The following MEIOSIN variants were observed in gnomAD, a reference collection of about 807,000 sequenced individuals.
MEIOSIN encodes meiosis initiator protein.
A neutral mutation model predicts 23.4 loss-of-function variants in MEIOSIN; 18 were observed. The observed-to-expected ratio is 0.77, with a 90% CI of 0.53 to 1.14. The LOEUF (loss-of-function observed/expected upper bound fraction) is 1.14. Ranked by LOEUF, MEIOSIN falls within the 50% of genes most tolerant of loss-of-function variation. The pLI is 0.00. For missense variants in MEIOSIN, 428 were observed against 242.9 expected, an observed-to-expected ratio of 1.76 and a Z score of -5.07; for synonymous variants, 187 against 100.6, an observed-to-expected ratio of 1.86 and a Z score of -5.14.
intron 3 of MEIOSIN, among the ~76,000 whole-genome samples, chr19:45,744,661 G>A (rs1190504882): frequency 6.6e-6 from 1 of 151,652 alleles, no homozygotes; most frequent in African/African-American, 2.4e-5. Context: ...AGGCTGGAGT[G>A]CAGTGATGCA....
chr19:45,760,193 C>T (rs1012233339), intron 11 of MEIOSIN, among the ~76,000 whole-genome samples: 10 of 151,830 alleles, frequency 6.6e-5, no homozygotes, highest in African/African-American at 2.2e-4. Context: ...CTAAGCTGGG[C>T]GCGGTGGCTC....
intron 4 of MEIOSIN, among the ~76,000 whole-genome samples, chr19:45,747,773 TAGAA>T (rs1968620882): frequency 1.3e-5 from 2 of 151,996 alleles, no homozygotes; most frequent in Non-Finnish European, 2.9e-5. Flanking sequence ...AGAGTTGAGA[TAGAA>T]AGAGAGACAG....
intron 1 of MEIOSIN, 112 bp from the exon 2 acceptor site, chr19:45,735,265 T>C: frequency 1.6e-6 from 1 of 629,790 alleles, no homozygotes; most frequent in Non-Finnish European, 2.9e-6. Context: ...TTTTGGGATC[T>C]CTGGGTGCTC....
chr19:45,754,447 C>A, intron 6 of MEIOSIN, 32 bp from the exon 7 acceptor site: 1 of 691,140 alleles, frequency 1.4e-6, no homozygotes, highest in Non-Finnish European at 2.6e-6. Flanking sequence ...GACTCCCAGG[C>A]CCCTCTGACA....
chr19:45,743,314 G>C (rs1041083490), intron 3 of MEIOSIN, among the ~76,000 whole-genome samples: 20 of 152,208 alleles, frequency 1.3e-4, no homozygotes, highest in African/African-American at 4.6e-4. Context: ...TTTCTTCCTT[G>C]CTTCCTGAGT....
At chr19:45,753,118 G>A (rs1968748577) in intron 5 of MEIOSIN, among the ~76,000 whole-genome samples, 1 of 152,028 alleles carries the variant, frequency 6.6e-6, no homozygotes, top group African/African-American at 2.4e-5. Context: ...TAGTGTTGAG[G>A]ACTGGTCATG....
rs1336518770 is a variant in MEIOSIN, at chr19:45,753,709, C to T, written c.477C>T (p.Ser159=). 1.1e-5 allele frequency: 8 copies of T among 703,004 alleles called. No homozygotes were observed. Among genetic ancestry groups the T allele is most frequent in the Non-Finnish European group, 2.1e-5 (8 of 384,980 alleles). The allele number at this position is 703,004 out of a possible 1,614,324, so 43.5% of individuals were successfully genotyped here. A position where few individuals can be genotyped will look rare whatever the true frequency, so the allele number is the denominator to read the frequency against. Reference sequence around the variant, plus strand: ...GGCGGAGGAGACACTCTACCCCCTCCAGCTCCCCAAGCTCTCAGAAGTCCT... The same window carrying T: ...GGCGGAGGAGACACTCTACCCCCTCTAGCTCCCCAAGCTCTCAGAAGTCCT... The part of the protein sequence containing the change: ...PARRRRHSTP[S]SSPSSQKSCL... Residue 159 remains serine, a synonymous_variant, in exon 6 of 15, where the codon TCC becomes TCT. Coordinates refer to ENST00000457052, the MANE Select transcript of MEIOSIN (RefSeq NM_001310124.2).
At chr19:45,746,380 C>T (rs923952743) in intron 4 of MEIOSIN, among the ~76,000 whole-genome samples, 26 of 152,106 alleles carry the variant, frequency 1.7e-4, no homozygotes, top group African/African-American at 5.6e-4. Context: ...ATTCCTTGAC[C>T]CATCATGGTC....
chr19:45,749,461 G>A (rs1968651703), intron 4 of MEIOSIN, among the ~76,000 whole-genome samples: 1 of 150,568 alleles, frequency 6.6e-6, no homozygotes, highest in Non-Finnish European at 1.5e-5. Flanking sequence ...GGATCATGAA[G>A]TCAGGAGATT....
intron 4 of MEIOSIN, 144 bp from the exon 5 acceptor site, chr19:45,750,531 T>TG: frequency 3.3e-6 from 1 of 300,844 alleles, no homozygotes; most frequent in Non-Finnish European, 6.2e-6. Flanking sequence ...AGCTAATTTT[T>TG]TGTATTTTTA....
intron 5 of MEIOSIN, among the ~76,000 whole-genome samples, chr19:45,752,327 T>C (rs1288850519): frequency 6.6e-6 from 1 of 152,010 alleles, no homozygotes; most frequent in Non-Finnish European, 1.5e-5. Context: ...GCCATTCTCC[T>C]GCCTCAGCCT....
At chr19:45,757,001 T>C (rs773462164) in intron 8 of MEIOSIN, among the ~76,000 whole-genome samples, 176 bp from the exon 9 acceptor site, 45 of 152,162 alleles carry the variant, frequency 3.0e-4, no homozygotes, top group Non-Finnish European at 5.4e-4. Context: ...ACAGCACTGC[T>C]TACGGGCTGG....
rs1969019262 is a variant in MEIOSIN, at chr19:45,764,430, G to A, written c.*312G>A. ...CCCTTCCCCACCCCAGAGCCACTCG[G>A]TTGCAACCCTGTTCATGCTCACCTC... On this transcript the variant is annotated 3_prime_UTR_variant, in exon 15 of 15. Transcript: ENST00000457052. The A allele has an allele frequency of 6.6e-6, 2 of 302,196 alleles. No homozygotes were observed. Among genetic ancestry groups the A allele is most frequent in the Non-Finnish European group, 1.2e-5 (2 of 165,090 alleles). 18.7% of individuals were successfully genotyped at this position (302,196 alleles called of 1,614,324 possible).
rs1568562182 is a variant in MEIOSIN, at chr19:45,763,966, C to G, written c.1770-5C>G. The G allele has an allele frequency of 2.5e-6, 1 of 398,782 alleles. No individual in the cohort carries two copies. Among genetic ancestry groups the G allele is most frequent in the Non-Finnish European group, 4.4e-6 (1 of 226,198 alleles). The allele number at this position is 398,782 out of a possible 1,614,324, so 24.7% of individuals were successfully genotyped here. A position where few individuals can be genotyped will look rare whatever the true frequency, so the allele number is the denominator to read the frequency against. On this transcript the variant is annotated splice_polypyrimidine_tract_variant and splice_region_variant and intron_variant, in intron 14 of 14. Coordinates refer to ENST00000457052, the MANE Select transcript of MEIOSIN (RefSeq NM_001310124.2). ...AGCCAGGCCATCCTGCCACCGTCTC[C>G]CCAGCACCAAGGCTCGCAGGTTCAG... is the stretch of plus-strand genomic sequence containing the variant.
Position 45,741,060 on chromosome 19 carries a change from A to T in MEIOSIN, c.176+1330A>T, listed in dbSNP as rs116275991. ...TCTTGATCCCCTTCTTCCATAGAAA[A>T]ATATTAACGCTGGGTGCGGTGGCTC... On this transcript the variant is annotated intron_variant, in intron 3 of 14. Coordinates refer to ENST00000457052, the MANE Select transcript of MEIOSIN (RefSeq NM_001310124.2). 3.5e-3 allele frequency among the ~76,000 whole-genome samples: 529 copies of T among 152,076 alleles called. 3 individuals are homozygous for T. The highest frequency in any genetic ancestry group is 0.012 in the African/African-American group (508 of 41,506).
intron 3 of MEIOSIN, among the ~76,000 whole-genome samples, chr19:45,741,485 G>C (rs1221993591): frequency 6.6e-6 from 1 of 152,214 alleles, no homozygotes; most frequent in African/African-American, 2.4e-5. Context: ...GCCCCTAAAA[G>C]TATCATGGGT....
intron 11 of MEIOSIN, 39 bp from the exon 12 acceptor site, chr19:45,761,630 GGGGCACCACT>G: frequency 2.9e-6 from 2 of 685,290 alleles, no homozygotes; most frequent in Non-Finnish European, 5.3e-6. Context: ...GGGGGATGAA[GGGGCACCACT>G]TGTCTCCCCT....
chr19:45,762,233 C>T (rs950704898), intron 13 of MEIOSIN, 50 bp downstream of exon 13: 2 of 404,958 alleles, frequency 4.9e-6, no homozygotes, highest in Non-Finnish European at 4.3e-6. Context: ...GCTTCGTTCT[C>T]TGCCCGCAGC....
At position 45,759,624 on chromosome 19, in the gene MEIOSIN, G is replaced by A. The variant is rs144913957; in HGVS notation, c.1245+134G>A. ...TACCCATCTGTCCTTCCACTCATGCGTCTCCTCATCCTTAAAACCGCCCCC... is the reference window on the plus strand; with the variant it reads ...TACCCATCTGTCCTTCCACTCATGCATCTCCTCATCCTTAAAACCGCCCCC... On this transcript the variant is annotated intron_variant, in intron 11 of 14. Transcript: ENST00000457052. The A allele has an allele frequency of 9.8e-4, 612 of 626,544 alleles. 2 individuals are homozygous for A. Among genetic ancestry groups the A allele is most frequent in the Middle Eastern group, 8.3e-3 (33 of 3,990 alleles). The allele number at this position is 626,544 out of a possible 1,614,324, so 38.8% of individuals were successfully genotyped here. A position where few individuals can be genotyped will look rare whatever the true frequency, so the allele number is the denominator to read the frequency against.
Sources: allele counts gnomAD v4.1 joint callset (sites outside exome capture counted in the v4.1 genomes callset), GRCh38; gene constraint gnomAD v4.1.1; transcripts MANE v1.5; gene names NCBI Gene and HGNC (gene_info 2026-07-23, HGNC 2026-07-21).